GRID1: variants seen among roughly 807,000 people sequenced by gnomAD.
The protein encoded by GRID1 is glutamate ionotropic receptor delta type subunit 1, also known as glutamate receptor ionotropic, delta-1.
GRID1 carries 28 observed loss-of-function variants against 98.0 expected under a neutral mutation model. The ratio of observed to expected loss-of-function variants is 0.29; its 90% CI spans 0.21 to 0.39. The LOEUF (loss-of-function observed/expected upper bound fraction) is 0.39. Ranked by LOEUF, GRID1 falls within the 10% of genes least tolerant of loss-of-function variation. The probability of loss-of-function intolerance (pLI) is 1.00; values close to 1 mark genes in which losing one functional copy is unlikely to be tolerated. For missense variants in GRID1, 1,111 were observed against 1,340.5 expected, an observed-to-expected ratio of 0.83 and a Z score of 2.67; for synonymous variants, 553 against 538.5, an observed-to-expected ratio of 1.03 and a Z score of -0.37.
At chr10:85,893,702 A>T (rs564028308) in intron 5 of GRID1, among the ~76,000 whole-genome samples, 1 of 152,370 alleles carries the variant, frequency 6.6e-6, no homozygotes, top group African/African-American at 2.4e-5. Flanking sequence ...AACAGTGTAA[A>T]ACATTGCTAA....
At chr10:86,163,408 CT>C (rs35437843) in intron 3 of GRID1, among the ~76,000 whole-genome samples, 29,880 of 138,248 alleles carry the variant, frequency 0.22, 3,292 homozygotes, top group South Asian at 0.37. Flanking sequence ...TGACGCATTT[CT>C]TTTTTTTTTT....
chr10:85,993,844 C>T (rs188613709), intron 4 of GRID1, among the ~76,000 whole-genome samples: 1 of 152,038 alleles, frequency 6.6e-6, no homozygotes, highest in East Asian at 1.9e-4. Context: ...TGAGACTCGC[C>T]CAAAATCAAA....
At chr10:85,603,251 G>A (rs1842608032) in intron 15 of GRID1, among the ~76,000 whole-genome samples, 1 of 152,222 alleles carries the variant, frequency 6.6e-6, no homozygotes, top group Non-Finnish European at 1.5e-5. Flanking sequence ...CCAGAGAGAA[G>A]CCCTGCCTCA....
intron 8 of GRID1, among the ~76,000 whole-genome samples, chr10:85,746,500 T>C (rs1283257727): frequency 6.6e-6 from 1 of 152,196 alleles, no homozygotes; most frequent in Non-Finnish European, 1.5e-5. Context: ...CTAATTGTTG[T>C]GGAGGTGACA....
intron 4 of GRID1, among the ~76,000 whole-genome samples, chr10:86,033,130 C>A (rs1184969411): frequency 6.6e-6 from 1 of 152,046 alleles, no homozygotes; most frequent in East Asian, 1.9e-4. Flanking sequence ...GGCCTTTGCT[C>A]TTTCTTCAGT....
At chr10:86,288,996 A>C (rs963850106) in intron 2 of GRID1, among the ~76,000 whole-genome samples, 8 of 152,172 alleles carry the variant, frequency 5.3e-5, no homozygotes, top group Admixed American at 4.6e-4. Context: ...CTTCTATGTG[A>C]ACAAAAATAT....
At chr10:85,700,415 C>T (rs1841438016) in intron 12 of GRID1, among the ~76,000 whole-genome samples, 1 of 152,210 alleles carries the variant, frequency 6.6e-6, no homozygotes, top group African/African-American at 2.4e-5. Flanking sequence ...CACTGTCCTC[C>T]TGCCTTCCAA....
chr10:86,200,432 A>C (rs1035726728), intron 3 of GRID1, among the ~76,000 whole-genome samples: 6 of 152,192 alleles, frequency 3.9e-5, no homozygotes, highest in Admixed American at 2.6e-4. Context: ...ATCAGCCCAC[A>C]GATGCTGAGA....
intron 12 of GRID1, among the ~76,000 whole-genome samples, chr10:85,712,002 T>C (rs1227405917): frequency 6.6e-6 from 1 of 151,694 alleles, no homozygotes; most frequent in Admixed American, 6.6e-5. Context: ...ATAATACATA[T>C]GATGTGTGTA....
At chr10:85,863,348 C>T (rs1379667724) in intron 6 of GRID1, among the ~76,000 whole-genome samples, 1 of 152,064 alleles carries the variant, frequency 6.6e-6, no homozygotes, top group Non-Finnish European at 1.5e-5. Context: ...TATGAGGGCT[C>T]CCCCCCTCAT....
intron 8 of GRID1, among the ~76,000 whole-genome samples, chr10:85,747,575 C>T (rs1040750514): frequency 8.5e-5 from 13 of 152,134 alleles, no homozygotes; most frequent in African/African-American, 2.9e-4. Flanking sequence ...TCTCCAACTG[C>T]ACAGAAGGAA....
chr10:85,784,981 T>C (rs1842413394), intron 8 of GRID1, among the ~76,000 whole-genome samples: 1 of 152,192 alleles, frequency 6.6e-6, no homozygotes, highest in Non-Finnish European at 1.5e-5. Flanking sequence ...GTGACACTTC[T>C]AAGTCTGGCT....
At chr10:85,671,457 G>T (rs956531882) in intron 12 of GRID1, among the ~76,000 whole-genome samples, 3 of 151,866 alleles carry the variant, frequency 2.0e-5, no homozygotes, top group African/African-American at 7.3e-5. Flanking sequence ...TGATTCTTTG[G>T]GGGCCACAAA....
At chr10:86,143,714 CAAGAG>C (rs1845043829) in intron 3 of GRID1, among the ~76,000 whole-genome samples, 1 of 152,230 alleles carries the variant, frequency 6.6e-6, no homozygotes, top group South Asian at 2.1e-4. Flanking sequence ...ATGAGAAAGG[CAAGAG>C]CCACCAGGTC....
chr10:86,245,654 C>T (rs1012689746), intron 2 of GRID1, among the ~76,000 whole-genome samples: 17 of 152,252 alleles, frequency 1.1e-4, no homozygotes, highest in African/African-American at 4.1e-4. Flanking sequence ...ACAGTGCTGT[C>T]CCCAAGTGGT....
chr10:85,984,766 A>T (rs561869075), intron 4 of GRID1, among the ~76,000 whole-genome samples: 3 of 152,120 alleles, frequency 2.0e-5, no homozygotes, highest in Non-Finnish European at 4.4e-5. Context: ...CCCTGACAAA[A>T]GCACATAGGT....
chr10:85,617,626 C>T (rs1374206765), intron 14 of GRID1, among the ~76,000 whole-genome samples: 1 of 152,204 alleles, frequency 6.6e-6, no homozygotes, highest in East Asian at 1.9e-4. Flanking sequence ...CTGTACCCTA[C>T]AGGAAGATGA....
intron 8 of GRID1, among the ~76,000 whole-genome samples, chr10:85,788,404 G>A (rs1448593136): frequency 6.6e-6 from 1 of 152,090 alleles, no homozygotes; most frequent in Admixed American, 6.5e-5. Flanking sequence ...CTTTCTTATG[G>A]TCTTGTCTCC....
intron 12 of GRID1, among the ~76,000 whole-genome samples, chr10:85,696,998 T>C (rs1420862769): frequency 2.0e-5 from 3 of 152,112 alleles, no homozygotes; most frequent in Non-Finnish European, 2.9e-5. Context: ...ATGTTATGTA[T>C]GATTTTACTC....
Sources: allele counts gnomAD v4.1 joint callset (sites outside exome capture counted in the v4.1 genomes callset), GRCh38; gene constraint gnomAD v4.1.1; transcripts MANE v1.5; gene names NCBI Gene and HGNC (gene_info 2026-07-23, HGNC 2026-07-21).